Variants in VWA3A observed in about 807,000 individuals in gnomAD.
The protein encoded by VWA3A is von Willebrand factor A domain-containing protein 3A.
Under a neutral mutation model 160.4 loss-of-function variants are expected in VWA3A, and 134 were observed. That is an observed-to-expected ratio of 0.84 (90% CI 0.73 to 0.96). The LOEUF (loss-of-function observed/expected upper bound fraction) is 0.96, where lower values mean the gene tolerates loss of function less well. VWA3A is among the 40% of genes least tolerant of loss of function. VWA3A has a pLI of 0.00. For missense variants in VWA3A, 1,310 were observed against 1,447.9 expected (o/e 0.90, Z 1.55); for synonymous variants, 476 against 543.4 (o/e 0.88, Z 1.72).
chr16:22,130,817 A>T (rs1205037316), intron 17 of VWA3A, among the ~76,000 whole-genome samples: 1 of 151,972 alleles, frequency 6.6e-6, no homozygotes, highest in Non-Finnish European at 1.5e-5. Flanking sequence ...TGCCCAGGCT[A>T]GAGGTATATT....
intron 5 of VWA3A, among the ~76,000 whole-genome samples, chr16:22,101,863 G>C (rs1364823194): frequency 6.6e-6 from 1 of 152,166 alleles, no homozygotes; most frequent in African/African-American, 2.4e-5. Flanking sequence ...TAGCTAACTG[G>C]TCATTTGGCA....
At chr16:22,124,476 C>G (rs976931853) in intron 16 of VWA3A, among the ~76,000 whole-genome samples, 14 of 149,550 alleles carry the variant, frequency 9.4e-5, no homozygotes, top group African/African-American at 3.4e-4. Flanking sequence ...TGATTCCATA[C>G]CTTGTTTGAT....
At chr16:22,099,045 G>C (rs2045367253) in intron 3 of VWA3A, among the ~76,000 whole-genome samples, 2 of 151,632 alleles carry the variant, frequency 1.3e-5, no homozygotes, top group Admixed American at 1.3e-4. Flanking sequence ...GCAGTAAGCT[G>C]AGATTGTGGC....
intron 31 of VWA3A, among the ~76,000 whole-genome samples, 152 bp downstream of exon 31, chr16:22,152,786 G>A (rs559734489): frequency 2.0e-5 from 3 of 151,942 alleles, no homozygotes; most frequent in Non-Finnish European, 4.4e-5. Flanking sequence ...GAGCCACCAC[G>A]CCCATCCTGG....
chr16:22,154,907 T>C (rs1207194406), intron 31 of VWA3A, among the ~76,000 whole-genome samples: 28 of 132,568 alleles, frequency 2.1e-4, no homozygotes, highest in African/African-American at 7.3e-4. Flanking sequence ...TGAGCCGAGA[T>C]TGCGCCACTG....
At position 22,144,982 on chromosome 16, in the gene VWA3A, T is replaced by A. The variant is rs576717185; in HGVS notation, c.2730+598T>A. ...AGAAGATTGGGCCGTGGCTGAAGTG[T>A]TCACCCATAAGAATGCTGTACCCCA... On this transcript the variant is annotated intron_variant, in intron 26 of 33. Transcript: ENST00000389398. Among the ~76,000 whole-genome samples the A allele has an allele frequency of 9.5e-4, 144 of 152,154 alleles. 1 individual carries two copies. The highest frequency in any genetic ancestry group is 1.7e-3 in the Non-Finnish European group (119 of 68,030).
In VWA3A at chr16:22,131,297, A is replaced by C. The variant is rs2045943174; in HGVS notation, c.1727+18A>C. The C allele has an allele frequency of 6.2e-7, 1 of 1,613,116 alleles. No homozygotes were observed. Reference sequence around the variant, plus strand: ...GCCTGGCGGTAGGTTATGGGCAGAGACTTCGTGGGGCTGTGTCTGAGGGAA... The same window carrying C: ...GCCTGGCGGTAGGTTATGGGCAGAGCCTTCGTGGGGCTGTGTCTGAGGGAA... On this transcript the variant is annotated intron_variant, in intron 18 of 33. Transcript: ENST00000389398.
At chr16:22,124,600 C>T (rs1480423854) in intron 16 of VWA3A, among the ~76,000 whole-genome samples, 8 of 149,194 alleles carry the variant, frequency 5.4e-5, no homozygotes, top group African/African-American at 2.0e-4. Context: ...TGCTATGTTG[C>T]CCAGGCTGGT....
intron 21 of VWA3A, 79 bp from the exon 22 acceptor site, chr16:22,138,281 G>T (rs975571903): frequency 3.9e-5 from 58 of 1,469,790 alleles, no homozygotes; most frequent in Non-Finnish European, 5.3e-5. Context: ...AGTGGATACA[G>T]TCCCTCCTGC....
At chr16:22,114,654 G>A (rs1279595924) in intron 8 of VWA3A, among the ~76,000 whole-genome samples, 2 of 152,124 alleles carry the variant, frequency 1.3e-5, no homozygotes, top group Non-Finnish European at 2.9e-5. Flanking sequence ...GCTAATATTT[G>A]TCCTGGGCCT....
At chr16:22,096,810 G>A (rs745863984) in intron 1 of VWA3A, 49 bp from the exon 2 acceptor site, 13 of 1,226,078 alleles carry the variant, frequency 1.1e-5, no homozygotes, top group Non-Finnish European at 1.5e-5. Flanking sequence ...CAAAACTATT[G>A]TCTGTATGCC....
intron 8 of VWA3A, among the ~76,000 whole-genome samples, chr16:22,112,112 C>A (rs2045560663): frequency 6.6e-6 from 1 of 152,198 alleles, no homozygotes. Flanking sequence ...ACATAGAATT[C>A]TACTGCAGGG....
rs1481045973 is a variant in VWA3A at position 22,126,285 on chromosome 16, T to A, written c.1640T>A (p.Phe547Tyr). Residue 547 changes from phenylalanine to tyrosine, a missense_variant, in exon 17 of 34, where the codon TTC (phenylalanine) becomes TAC (tyrosine). By Grantham distance (22) the Phe-to-Tyr change is conservative. Coordinates refer to ENST00000389398, the MANE Select transcript of VWA3A (RefSeq NM_173615.5). ...GAGCAGTTATCCAACAAGGACTGTT[T>A]CAACCTCATCGCGTATGTGTCTCCT... ...LEEQLSNKDC[F>Y]NLIAFGSTIE... is the part of the protein sequence containing the mutation. 5 of 1,613,322 alleles carry A rather than the reference T, an allele frequency of 3.1e-6. No homozygotes were observed. The South Asian group carries it at 5.5e-5, about 18-fold the overall frequency.
At chr16:22,125,769 G>C (rs1047489062) in intron 16 of VWA3A, among the ~76,000 whole-genome samples, 1 of 152,134 alleles carries the variant, frequency 6.6e-6, no homozygotes, top group Non-Finnish European at 1.5e-5. Flanking sequence ...CTTACAAGTA[G>C]TTTATAGTTA....
chr16:22,131,448 C>A, intron 18 of VWA3A, 137 bp from the exon 19 acceptor site: 2 of 1,461,256 alleles, frequency 1.4e-6, no homozygotes, highest in Non-Finnish European at 1.9e-6. Flanking sequence ...CTCTCCCCAC[C>A]TGGCCATCTT....
intron 23 of VWA3A, 141 bp downstream of exon 23, chr16:22,140,385 A>G: frequency 1.4e-6 from 1 of 737,118 alleles, no homozygotes; most frequent in Non-Finnish European, 2.2e-6. Flanking sequence ...AGGTGGAAGG[A>G]TCACTTGAGG....
At chr16:22,152,216 A>G (rs1014931812) in intron 30 of VWA3A, among the ~76,000 whole-genome samples, 1 of 152,132 alleles carries the variant, frequency 6.6e-6, no homozygotes, top group African/African-American at 2.4e-5. Context: ...GTCTCAGAAA[A>G]GAAAAGAAAT....
chr16:22,133,190 C>A, intron 20 of VWA3A, 95 bp downstream of exon 20: 1 of 1,358,672 alleles, frequency 7.4e-7, no homozygotes, highest in Non-Finnish European at 1.0e-6. Context: ...TCCAGAAAAG[C>A]AGCTTGTGAA....
Position 22,144,369 on chromosome 16 carries a change from C to A in VWA3A, c.2715C>A (p.Pro905=), listed in dbSNP as rs1328826356. 6.2e-7 allele frequency: 1 copy of A among 1,613,540 alleles called. No homozygotes were observed. Among genetic ancestry groups the A allele is most frequent in the South Asian group, 1.1e-5 (1 of 90,996 alleles). The change falls in exon 26 of 34, where the codon CCC becomes CCA. Residue 905 remains proline (P), a synonymous_variant. Transcript: ENST00000389398. ...SASAKHCSIF[P]SVEIHGVVRH... ...CCGCCAAACACTGCAGCATCTTCCC[C>A]AGCGTTGAGATCCATGTAAGTCACA...
Sources: gnomAD v4.1 joint callset for allele counts (sites outside exome capture counted in the v4.1 genomes callset) on GRCh38, gnomAD v4.1.1 for gene constraint, MANE v1.5 for transcripts, NCBI Gene and HGNC (gene_info 2026-07-23, HGNC 2026-07-21) for gene names.